The following NALF1 variants were observed in gnomAD, a reference collection of about 807,000 sequenced individuals.
NALF1 encodes family with sequence similarity 155 member A.
In NALF1, 3 loss-of-function variants were observed where a neutral mutation model predicts 48.4. The ratio of observed to expected loss-of-function variants is 0.06; its 90% CI spans 0.03 to 0.16. The LOEUF (loss-of-function observed/expected upper bound fraction) is 0.16. Ranked by LOEUF, NALF1 falls within the 10% of genes least tolerant of loss-of-function variation. The pLI is 1.00. For synonymous variants in NALF1, 262 were observed against 245.7 expected (o/e 1.07, Z -0.62); for missense variants, 526 against 571.5 (o/e 0.92, Z 0.81).
intron 1 of NALF1, among the ~76,000 whole-genome samples, chr13:107,729,426 A>C (rs1876246874): frequency 6.6e-6 from 1 of 152,074 alleles, no homozygotes; most frequent in African/African-American, 2.4e-5. Context: ...TGAAAAAAAA[A>C]TAATAAATAT....
intron 1 of NALF1, among the ~76,000 whole-genome samples, chr13:107,792,109 T>C (rs187072202): frequency 6.6e-6 from 1 of 152,288 alleles, no homozygotes; most frequent in Admixed American, 6.5e-5. Context: ...CTGAGGAAGC[T>C]TGGGTTGAGC....
chr13:107,679,477 T>C (rs1318476872), intron 1 of NALF1, among the ~76,000 whole-genome samples: 1 of 152,224 alleles, frequency 6.6e-6, no homozygotes, highest in Non-Finnish European at 1.5e-5. Flanking sequence ...GCCCTCACTG[T>C]GCAAGTGACT....
chr13:107,528,541 C>T (rs141382517), intron 1 of NALF1, among the ~76,000 whole-genome samples: 1 of 152,090 alleles, frequency 6.6e-6, no homozygotes, highest in African/African-American at 2.4e-5. Context: ...CTCTCTAAAA[C>T]AAGCCTCGAG....
chr13:107,173,153 T>C (rs1878840559), intron 2 of NALF1, among the ~76,000 whole-genome samples: 1 of 152,240 alleles, frequency 6.6e-6, no homozygotes. Flanking sequence ...GCTTTGTATT[T>C]AGCTGCATTT....
intron 1 of NALF1, among the ~76,000 whole-genome samples, chr13:107,678,364 C>T (rs1236870452): frequency 1.3e-5 from 2 of 152,074 alleles, no homozygotes; most frequent in Non-Finnish European, 2.9e-5. Flanking sequence ...TCTAGAATGA[C>T]CTACTCATCT....
At chr13:107,247,919 T>C (rs1333357902) in intron 1 of NALF1, among the ~76,000 whole-genome samples, 2 of 152,100 alleles carry the variant, frequency 1.3e-5, no homozygotes, top group African/African-American at 2.4e-5. Context: ...AGGTCACATC[T>C]GGGGCATTTT....
chr13:107,399,975 T>C (rs1245637386), intron 1 of NALF1, among the ~76,000 whole-genome samples: 1 of 152,176 alleles, frequency 6.6e-6, no homozygotes, highest in Non-Finnish European at 1.5e-5. Flanking sequence ...AATGTTTCAT[T>C]ACAAACAATC....
chr13:107,442,089 T>C (rs1884569898), intron 1 of NALF1, among the ~76,000 whole-genome samples: 1 of 152,026 alleles, frequency 6.6e-6, no homozygotes, highest in African/African-American at 2.4e-5. Context: ...GAGGGTGAGA[T>C]TTGAAATAGA....
At chr13:107,391,202 C>T (rs1883621560) in intron 1 of NALF1, among the ~76,000 whole-genome samples, 1 of 152,018 alleles carries the variant, frequency 6.6e-6, no homozygotes, top group Non-Finnish European at 1.5e-5. Context: ...GGAAGCACCT[C>T]CTCCTTCTCA....
At chr13:107,718,855 A>G (rs1051712619) in intron 1 of NALF1, among the ~76,000 whole-genome samples, 2 of 152,216 alleles carry the variant, frequency 1.3e-5, no homozygotes, top group African/African-American at 4.8e-5. Flanking sequence ...CCTTAGCCAC[A>G]TTTCAAGCAC....
chr13:107,373,560 G>C (rs558706191), intron 1 of NALF1, among the ~76,000 whole-genome samples: 1 of 152,062 alleles, frequency 6.6e-6, no homozygotes, highest in Non-Finnish European at 1.5e-5. Context: ...ACAGCCAATG[G>C]GTCCAGCTGT....
intron 1 of NALF1, among the ~76,000 whole-genome samples, chr13:107,451,937 C>G (rs530782731): frequency 5.9e-5 from 9 of 152,292 alleles, no homozygotes; most frequent in African/African-American, 2.2e-4. Flanking sequence ...AAGTAATTCA[C>G]CCCATCTGCA....
intron 1 of NALF1, among the ~76,000 whole-genome samples, chr13:107,496,426 C>T (rs1566365928): frequency 6.6e-6 from 1 of 152,110 alleles, no homozygotes; most frequent in Non-Finnish European, 1.5e-5. Flanking sequence ...GGATCCCAGG[C>T]TCCAAAGCTA....
chr13:107,620,762 G>A (rs1332543895), intron 1 of NALF1, among the ~76,000 whole-genome samples: 1 of 152,144 alleles, frequency 6.6e-6, no homozygotes, highest in Non-Finnish European at 1.5e-5. Context: ...CTTGTCTTTG[G>A]TATTCCATTC....
intron 1 of NALF1, among the ~76,000 whole-genome samples, chr13:107,367,622 A>G (rs1883173820): frequency 6.6e-6 from 1 of 152,222 alleles, no homozygotes. Context: ...TGGGCCTCTA[A>G]GCAGGCTGCC....
chr13:107,683,853 G>A (rs35853751), intron 1 of NALF1, among the ~76,000 whole-genome samples: 52,674 of 152,090 alleles, frequency 0.35, 9,260 homozygotes, highest in East Asian at 0.43. Flanking sequence ...ACATCCTGTG[G>A]GGTCTCCTGG....
At chr13:107,408,813 G>C (rs1883943405) in intron 1 of NALF1, among the ~76,000 whole-genome samples, 1 of 152,034 alleles carries the variant, frequency 6.6e-6, no homozygotes, top group African/African-American at 2.4e-5. Context: ...TTATGGAGAG[G>C]TTTTGCTTAA....
At chr13:107,722,386 T>C (rs1031871537) in intron 1 of NALF1, among the ~76,000 whole-genome samples, 2 of 152,146 alleles carry the variant, frequency 1.3e-5, no homozygotes, top group African/African-American at 4.8e-5. Context: ...ATGAAAGTTA[T>C]AATTATTTTA....
At chr13:107,712,331 C>A (rs376904261) in intron 1 of NALF1, among the ~76,000 whole-genome samples, 1 of 151,986 alleles carries the variant, frequency 6.6e-6, no homozygotes, top group Non-Finnish European at 1.5e-5. Context: ...GAAAGGATTA[C>A]AAAACAGGAA....
Sources: gnomAD v4.1 joint callset for allele counts (sites outside exome capture counted in the v4.1 genomes callset) on GRCh38, gnomAD v4.1.1 for gene constraint, MANE v1.5 for transcripts, NCBI Gene and HGNC (gene_info 2026-07-23, HGNC 2026-07-21) for gene names.